Variants in AOPEP observed in about 807,000 individuals in gnomAD.
AOPEP encodes the protein aminopeptidase O.
AOPEP carries 77 observed loss-of-function variants against 98.1 expected under a neutral mutation model. The observed-to-expected ratio is 0.78, with a 90% CI of 0.65 to 0.95. AOPEP has a LOEUF of 0.95. AOPEP is among the 40% of genes least tolerant of loss of function. AOPEP has a pLI of 0.00. For synonymous variants in AOPEP, 346 were observed against 365.3 expected, an observed-to-expected ratio of 0.95 and a Z score of 0.60; for missense variants, 1,024 against 1,024.7, an observed-to-expected ratio of 1.00 and a Z score of 0.01.
chr9:95,115,180 G>A, the AOPEP span, among the ~76,000 whole-genome samples: 3 of 152,206 alleles, frequency 2.0e-5, no homozygotes, highest in Non-Finnish European at 4.4e-5. Context: ...GGGCTCAAGT[G>A]ATCCTCCCGC....
At chr9:94,766,780 G>C (rs1839726075) in intron 2 of AOPEP, among the ~76,000 whole-genome samples, 1 of 152,168 alleles carries the variant, frequency 6.6e-6, no homozygotes, top group Non-Finnish European at 1.5e-5. Flanking sequence ...TACATTATAA[G>C]ATAAAGTAAT....
chr9:94,903,238 C>T (rs532536925), intron 5 of AOPEP, among the ~76,000 whole-genome samples: 85 of 152,008 alleles, frequency 5.6e-4, no homozygotes, highest in Non-Finnish European at 1.1e-3. Context: ...CTACCTCAAC[C>T]TCCCAAAGTG....
chr9:95,119,771 G>T, the AOPEP span, among the ~76,000 whole-genome samples: 1 of 152,142 alleles, frequency 6.6e-6, no homozygotes, highest in South Asian at 2.1e-4. Context: ...GAGTGCAGTG[G>T]CATGATCACA....
At chr9:94,776,127 C>T (rs143434690) in intron 3 of AOPEP, among the ~76,000 whole-genome samples, 24 of 152,184 alleles carry the variant, frequency 1.6e-4, no homozygotes, top group African/African-American at 5.3e-4. Context: ...TCCAGTAACA[C>T]TTCCCCAGGC....
chr9:94,801,835 T>C (rs887151441), intron 5 of AOPEP, among the ~76,000 whole-genome samples: 1 of 152,232 alleles, frequency 6.6e-6, no homozygotes, highest in Non-Finnish European at 1.5e-5. Flanking sequence ...TTTTTCCCTA[T>C]TAGTCAAGGA....
At chr9:95,023,364 A>G (rs974414674) in intron 13 of AOPEP, among the ~76,000 whole-genome samples, 2 of 152,152 alleles carry the variant, frequency 1.3e-5, no homozygotes, top group African/African-American at 4.8e-5. Flanking sequence ...CAGCATTAAG[A>G]CTGGGAAAGC....
At chr9:95,089,110 G>A (rs181309448), downstream of AOPEP, among the ~76,000 whole-genome samples, 1 of 152,324 alleles carries the variant, frequency 6.6e-6, no homozygotes, top group East Asian at 1.9e-4. Flanking sequence ...AGCTGACTCT[G>A]AATGGGTTCT....
At chr9:94,916,782 A>G (rs1453379881) in intron 5 of AOPEP, among the ~76,000 whole-genome samples, 1 of 152,082 alleles carries the variant, frequency 6.6e-6, no homozygotes, top group Non-Finnish European at 1.5e-5. Context: ...TTGTGTGGGT[A>G]TGGGTGTGTC....
At position 94,773,185 on chromosome 9, in the gene AOPEP, C is replaced by T. The variant is rs939330467; in HGVS notation, c.964+17C>T. On this transcript the variant is annotated intron_variant, in intron 3 of 16. Coordinates refer to ENST00000375315, the MANE Select transcript of AOPEP (RefSeq NM_001193329.3). ...TTTGGGAAGGTACTGTACATGTGTT[C>T]TTTGCTTATTTATGTATTGCACACA... 1.9e-6 allele frequency: 3 copies of T among 1,603,800 alleles called. No individual in the cohort carries two copies. Among genetic ancestry groups the T allele is most frequent in the Non-Finnish European group, 2.6e-6 (3 of 1,173,488 alleles).
At chr9:95,127,252 C>G in the AOPEP span, 1 of 152,832 alleles carries the variant, frequency 6.5e-6, no homozygotes, top group South Asian at 2.1e-4. Flanking sequence ...GCTTCACTGG[C>G]CCAGTCCCTG....
intron 5 of AOPEP, among the ~76,000 whole-genome samples, chr9:94,861,187 G>A (rs1395932140): frequency 2.6e-5 from 4 of 152,140 alleles, no homozygotes; most frequent in Non-Finnish European, 5.9e-5. Flanking sequence ...GGCAAATTGT[G>A]GCTCTCGAGG....
At chr9:94,792,744 T>C (rs1846019141) in intron 3 of AOPEP, 21 bp from the exon 4 acceptor site, 1 of 1,569,874 alleles carries the variant, frequency 6.4e-7, no homozygotes, top group African/African-American at 1.4e-5. Context: ...CTCATTATGG[T>C]TTTTCTCTTC....
At chr9:94,872,236 T>G (rs1588643012) in intron 5 of AOPEP, among the ~76,000 whole-genome samples, 1 of 152,260 alleles carries the variant, frequency 6.6e-6, no homozygotes, top group South Asian at 2.1e-4. Context: ...CATCACGCAC[T>G]CTGGCAGAGA....
At position 94,792,929 on chromosome 9, in the gene AOPEP, G is replaced by A. The variant is rs1846042945; in HGVS notation, c.1118+11G>A. On this transcript the variant is annotated intron_variant, in intron 4 of 16. Coordinates refer to ENST00000375315, the MANE Select transcript of AOPEP (RefSeq NM_001193329.3). ...TGAGGCCAACTTCAGGTTTGTGTTT[G>A]GGGACTTGCTGGGAAGGAAAAAAAA... The A allele has an allele frequency of 1.3e-6, 2 of 1,584,938 alleles. No individual in the cohort carries two copies. Among genetic ancestry groups the A allele is most frequent in the Non-Finnish European group, 1.7e-6 (2 of 1,166,254 alleles).
intron 14 of AOPEP, among the ~76,000 whole-genome samples, chr9:95,073,139 C>T (rs1418997886): frequency 6.6e-6 from 1 of 152,232 alleles, no homozygotes; most frequent in Non-Finnish European, 1.5e-5. Context: ...GACTCCCCTG[C>T]TCCCTCTGCT....
rs565618544 is a variant in AOPEP, at chr9:95,086,519, C to T, written c.*5-163C>T. On this transcript the variant is annotated intron_variant, in intron 16 of 16. Transcript: ENST00000375315. ...GTGAGCAGGCCAGCGTCACACGGCT[C>T]GCTGTGACCCGTCCCGGAGACTGAA... 76 of 985,378 alleles carry T rather than the reference C, an allele frequency of 7.7e-5. 3 individuals carry two copies. The South Asian group carries it at 3.1e-3, about 41-fold the overall frequency. The allele number at this position is 985,378 out of a possible 1,614,324, so 61.0% of individuals were successfully genotyped here.
intron 5 of AOPEP, among the ~76,000 whole-genome samples, chr9:94,833,554 C>T (rs2041188013): frequency 6.6e-6 from 1 of 152,028 alleles, no homozygotes; most frequent in Non-Finnish European, 1.5e-5. Context: ...AAGTTTCTTA[C>T]ACCAGGAAGC....
the AOPEP span, among the ~76,000 whole-genome samples, chr9:95,141,154 A>G: frequency 6.6e-6 from 1 of 151,810 alleles, no homozygotes; most frequent in Non-Finnish European, 1.5e-5. Flanking sequence ...TACCAGAAAT[A>G]CAAAATAATT....
the AOPEP span, among the ~76,000 whole-genome samples, chr9:95,115,658 T>C: frequency 1.4e-4 from 22 of 152,350 alleles, no homozygotes; most frequent in South Asian, 2.1e-4. Context: ...CACATAGTGA[T>C]AGATGCTATA....
Sources: allele counts gnomAD v4.1 joint callset (sites outside exome capture counted in the v4.1 genomes callset), GRCh38; gene constraint gnomAD v4.1.1; transcripts MANE v1.5; gene names NCBI Gene and HGNC (gene_info 2026-07-23, HGNC 2026-07-21).